The following BICDL1 variants were observed in gnomAD, a reference collection of about 807,000 sequenced individuals.
BICDL1 encodes BICD family like cargo adaptor 1, also known as BICD family-like cargo adapter 1.
BICDL1 carries 20 observed loss-of-function variants against 76.8 expected under a neutral mutation model. That is an observed-to-expected ratio of 0.26 (90% CI 0.18 to 0.38). The LOEUF (loss-of-function observed/expected upper bound fraction) is 0.38. Ranked by LOEUF, BICDL1 falls within the 10% of genes least tolerant of loss-of-function variation. BICDL1 has a pLI of 1.00. For synonymous variants in BICDL1, 383 were observed against 337.1 expected (o/e 1.14, Z -1.49); for missense variants, 700 against 798.6 (o/e 0.88, Z 1.49).
intron 2 of BICDL1, among the ~76,000 whole-genome samples, chr12:120,029,779 C>G (rs1166020518): frequency 6.6e-6 from 1 of 152,016 alleles, no homozygotes; most frequent in African/African-American, 2.4e-5. Flanking sequence ...CTCAGCCTCC[C>G]AGGTAGCTGG....
intron 9 of BICDL1, 122 bp downstream of exon 9, chr12:120,090,193 C>A: frequency 8.7e-7 from 1 of 1,149,798 alleles, no homozygotes; most frequent in Non-Finnish European, 1.2e-6. Flanking sequence ...CAGCACATCC[C>A]AGTCTTCACC....
chr12:120,094,270 C>T lies in BICDL1; in HGVS notation c.*1109C>T. ...CTCACAACCGATTCAGTCTCCCTCC[C>T]TCCCTCACGTGGGGAAAGCACAGCA... On this transcript the variant is annotated 3_prime_UTR_variant, in exon 10 of 10. Coordinates refer to ENST00000548673, the MANE Select transcript of BICDL1 (RefSeq NM_001367886.1). 2.2e-6 allele frequency: 1 copy of T among 456,820 alleles called. No individual in the cohort carries two copies. The highest frequency in any genetic ancestry group is 4.4e-6 in the Non-Finnish European group (1 of 226,986). The allele number at this position is 456,820 out of a possible 1,614,324, so 28.3% of individuals were successfully genotyped here.
chr12:120,016,587 A>G (rs1189417401), intron 2 of BICDL1, among the ~76,000 whole-genome samples: 1 of 151,770 alleles, frequency 6.6e-6, no homozygotes, highest in Non-Finnish European at 1.5e-5. Flanking sequence ...ATGCCCAGCT[A>G]ATTTTTGTAT....
intron 2 of BICDL1, among the ~76,000 whole-genome samples, chr12:120,046,688 G>A (rs915658127): frequency 3.3e-5 from 5 of 152,174 alleles, no homozygotes; most frequent in Non-Finnish European, 7.3e-5. Context: ...AAGCATAGTA[G>A]TGTTCCATCC....
intron 2 of BICDL1, among the ~76,000 whole-genome samples, chr12:120,038,256 G>T (rs750471092): frequency 1.1e-4 from 17 of 152,170 alleles, no homozygotes; most frequent in African/African-American, 4.1e-4. Context: ...AGGGCTAGCC[G>T]TAACTACACC....
chr12:120,051,668 T>C (rs1457723478), intron 2 of BICDL1, among the ~76,000 whole-genome samples: 1 of 152,214 alleles, frequency 6.6e-6, no homozygotes, highest in Non-Finnish European at 1.5e-5. Context: ...AAAAAGAAGC[T>C]ACAAAAGCAA....
intron 2 of BICDL1, among the ~76,000 whole-genome samples, chr12:120,044,054 G>C (rs1346246162): frequency 6.6e-6 from 1 of 152,180 alleles, no homozygotes; most frequent in Non-Finnish European, 1.5e-5. Context: ...GAATTTATCA[G>C]GTGAAAATTT....
chr12:120,009,039 G>A (rs1951903720), intron 2 of BICDL1, among the ~76,000 whole-genome samples: 1 of 151,644 alleles, frequency 6.6e-6, no homozygotes, highest in African/African-American at 2.4e-5. Context: ...CCAGGCTGGA[G>A]TGCAGTGGCG....
chr12:120,038,522 C>A (rs555794646), intron 2 of BICDL1, among the ~76,000 whole-genome samples: 1 of 152,026 alleles, frequency 6.6e-6, no homozygotes, highest in East Asian at 1.9e-4. Flanking sequence ...TTTAAAAAGT[C>A]TCTCCCATCC....
intron 2 of BICDL1, among the ~76,000 whole-genome samples, chr12:120,017,355 A>C (rs1594120058): frequency 6.6e-6 from 1 of 152,238 alleles, no homozygotes. Context: ...CAAAGGATTC[A>C]TGGTTTGTAA....
chr12:119,991,457 G>A (rs1403424216), intron 1 of BICDL1, among the ~76,000 whole-genome samples: 1 of 152,194 alleles, frequency 6.6e-6, no homozygotes, highest in African/African-American at 2.4e-5. Context: ...CCTGTAGTTC[G>A]GTTGTCCTGC....
intron 7 of BICDL1, among the ~76,000 whole-genome samples, chr12:120,076,928 A>C (rs1446492851): frequency 6.6e-6 from 1 of 152,256 alleles, no homozygotes; most frequent in Non-Finnish European, 1.5e-5. Context: ...CTAGGCCCTG[A>C]GAGGCACCAG....
At chr12:120,020,477 T>G (rs1952156132) in intron 2 of BICDL1, among the ~76,000 whole-genome samples, 1 of 152,138 alleles carries the variant, frequency 6.6e-6, no homozygotes, top group Non-Finnish European at 1.5e-5. Context: ...AACTCCTTAC[T>G]CTAAATATTG....
chr12:120,072,525 C>T lies in BICDL1; in HGVS notation c.1104C>T (p.Leu368=). Reference sequence around the variant, plus strand: ...CTGTGGAACAGCTGAGACTGCAGCTCTGGGAAGCCTACTGCCAGGTTCGCT... The same window carrying T: ...CTGTGGAACAGCTGAGACTGCAGCTTTGGGAAGCCTACTGCCAGGTTCGCT... ...EQEREQLRLQ[L]WEAYCQVRYL... The change falls in exon 6 of 10, where the codon CTC becomes CTT. Residue 368 remains leucine, a synonymous_variant. Coordinates refer to ENST00000548673, the MANE Select transcript of BICDL1 (RefSeq NM_001367886.1). 6.2e-7 allele frequency: 1 copy of T among 1,614,106 alleles called. No homozygotes were observed. The highest frequency in any genetic ancestry group is 2.2e-5 in the East Asian group (1 of 44,878).
At chr12:120,087,324 T>C (rs1874506615) in intron 8 of BICDL1, among the ~76,000 whole-genome samples, 1 of 152,166 alleles carries the variant, frequency 6.6e-6, no homozygotes, top group Non-Finnish European at 1.5e-5. Context: ...GCGGTTTCTC[T>C]AGGGAAGGCA....
chr12:120,070,878 C>T (rs765939570), intron 4 of BICDL1, among the ~76,000 whole-genome samples: 1 of 151,620 alleles, frequency 6.6e-6, no homozygotes, highest in Non-Finnish European at 1.5e-5. Context: ...ATTACAGGCG[C>T]CTGCCACCAT....
intron 2 of BICDL1, among the ~76,000 whole-genome samples, chr12:120,017,553 G>A (rs778270410): frequency 4.6e-5 from 7 of 152,066 alleles, no homozygotes; most frequent in Non-Finnish European, 8.8e-5. Context: ...AACATAGCAA[G>A]ACCCGTCTCT....
chr12:120,072,766 G>T lies in BICDL1; in HGVS notation c.1308+37G>T, dbSNP rs539893870. 8.2e-6 allele frequency: 13 copies of T among 1,582,948 alleles called. No individual in the cohort carries two copies. The South Asian group carries it at 1.4e-4, about 18-fold the overall frequency. On this transcript the variant is annotated intron_variant, in intron 6 of 9. Coordinates refer to ENST00000548673, the MANE Select transcript of BICDL1 (RefSeq NM_001367886.1). ...GTCTGAGATGGTCCTTACCCCACAG[G>T]AGCTGGCTGGTGGGAGGTTAGAACC...
intron 8 of BICDL1, among the ~76,000 whole-genome samples, chr12:120,087,741 AAATT>A (rs1411812411): frequency 6.6e-5 from 10 of 152,230 alleles, no homozygotes; most frequent in Non-Finnish European, 1.3e-4. Flanking sequence ...CCCTCGAAAA[AAATT>A]AATTTTCTTT....
Sources: allele counts gnomAD v4.1 joint callset (sites outside exome capture counted in the v4.1 genomes callset), GRCh38; gene constraint gnomAD v4.1.1; transcripts MANE v1.5; gene names NCBI Gene and HGNC (gene_info 2026-07-23, HGNC 2026-07-21).